The following MED16 variants were observed in gnomAD, a reference collection of about 807,000 sequenced individuals.
MED16 encodes mediator of RNA polymerase II transcription subunit 16.
A neutral mutation model predicts 84.4 loss-of-function variants in MED16; 81 were observed. The ratio of observed to expected loss-of-function variants is 0.96; its 90% CI spans 0.80 to 1.15. MED16 has a LOEUF of 1.15. Ranked by LOEUF, MED16 falls within the 50% of genes most tolerant of loss-of-function variation. The probability of loss-of-function intolerance (pLI) is 0.00; values close to 1 mark genes in which losing one functional copy is unlikely to be tolerated. For synonymous variants in MED16, 897 were observed against 552.2 expected (o/e 1.62, Z -8.76); for missense variants, 1,585 against 1,245.9 (o/e 1.27, Z -4.10).
Position 884,870 on chromosome 19 carries a change from G to A in MED16, c.985+33C>T, listed in dbSNP as rs528063794. 9 of 1,554,636 alleles carry A rather than the reference G, an allele frequency of 5.8e-6. No homozygotes were observed. The East Asian group carries it at 6.9e-5, about 12-fold the overall frequency. ...AAAAACCAACCGCCCCCGAGGGCAG[G>A]CCCAGGGCCTCCGCAGCCGGCGGGA... On this transcript the variant is annotated intron_variant, in intron 6 of 15. Coordinates refer to ENST00000325464, the MANE Select transcript of MED16 (RefSeq NM_005481.3).
intron 9 of MED16, 68 bp from the exon 10 acceptor site, chr19:875,522 G>T: frequency 7.6e-7 from 1 of 1,315,264 alleles, no homozygotes; most frequent in Non-Finnish European, 1.0e-6. Flanking sequence ...TCCAGCTGAG[G>T]AGAAGAGCAG....
chr19:885,209 C>T (rs566365814), intron 5 of MED16, among the ~76,000 whole-genome samples: 83 of 152,246 alleles, frequency 5.5e-4, no homozygotes, highest in Middle Eastern at 3.4e-3. Flanking sequence ...CAAATGTCCC[C>T]GGATGGTGCC....
chr19:885,194 G>A (rs1430712324), intron 5 of MED16, among the ~76,000 whole-genome samples, 186 bp from the exon 6 acceptor site: 1 of 152,158 alleles, frequency 6.6e-6, no homozygotes, highest in Admixed American at 6.5e-5. Flanking sequence ...CCACTCACAG[G>A]AACGCAAATG....
At chr19:870,609 G>C (rs189660327) in intron 13 of MED16, among the ~76,000 whole-genome samples, 3 of 151,860 alleles carry the variant, frequency 2.0e-5, no homozygotes, top group Non-Finnish European at 4.4e-5. Flanking sequence ...GAAGGGCTGG[G>C]TGCCCGTGTT....
chr19:882,080 C>T (rs2036431973), intron 6 of MED16, among the ~76,000 whole-genome samples: 1 of 152,258 alleles, frequency 6.6e-6, no homozygotes, highest in South Asian at 2.1e-4. Context: ...ATTCCCATCC[C>T]TCCTCATCTA....
At chr19:869,051 C>T (rs1272027869) in intron 13 of MED16, 105 bp from the exon 14 acceptor site, 23 of 978,252 alleles carry the variant, frequency 2.4e-5, no homozygotes, top group Non-Finnish European at 3.2e-5. Context: ...GCCGGCCTCA[C>T]ACCATCTGCC....
chr19:881,512 C>T, intron 7 of MED16, 47 bp downstream of exon 7: 2 of 1,575,378 alleles, frequency 1.3e-6, no homozygotes, highest in Non-Finnish European at 1.7e-6. Flanking sequence ...CCCAACTCCC[C>T]TGGTGTGAAC....
Position 867,965 on chromosome 19 carries a change from G to C in MED16, c.*136C>G, listed in dbSNP as rs370470379. ...CACCGACGGCAGGGACGCGGGCCTGGGCGCAGAGGGCGTTTATTGGACCTG... is the reference window on the plus strand; with the variant it reads ...CACCGACGGCAGGGACGCGGGCCTGCGCGCAGAGGGCGTTTATTGGACCTG... On this transcript the variant is annotated 3_prime_UTR_variant, in exon 16 of 16. Coordinates refer to ENST00000325464, the MANE Select transcript of MED16 (RefSeq NM_005481.3). 8.3e-7 allele frequency: 1 copy of C among 1,210,872 alleles called. No homozygotes were observed. Among genetic ancestry groups the C allele is most frequent in the South Asian group, 1.6e-5 (1 of 63,394 alleles). The allele number at this position is 1,210,872 out of a possible 1,614,324, so 75.0% of individuals were successfully genotyped here.
intron 2 of MED16, 187 bp from the exon 3 acceptor site, chr19:890,431 G>C: frequency 2.0e-6 from 1 of 493,400 alleles, no homozygotes; most frequent in Non-Finnish European, 3.6e-6. Context: ...GGCCTGTGAG[G>C]CGCCACAACT....
At chr19:873,412 G>C in intron 11 of MED16, 37 bp downstream of exon 11, 1 of 1,589,050 alleles carries the variant, frequency 6.3e-7, no homozygotes, top group Non-Finnish European at 8.5e-7. Flanking sequence ...TGGGGGCCCA[G>C]GTGGGGGGCG....
intron 6 of MED16, among the ~76,000 whole-genome samples, chr19:882,650 G>A (rs866057612): frequency 9.2e-5 from 14 of 152,350 alleles, no homozygotes; most frequent in East Asian, 7.7e-4. Context: ...GACAGGCCAC[G>A]CCACCTCGGC....
rs564294570 is a variant in MED16, at chr19:870,471, G to A, written c.2315+566C>T. On this transcript the variant is annotated intron_variant, in intron 13 of 15. Coordinates refer to ENST00000325464, the MANE Select transcript of MED16 (RefSeq NM_005481.3). ...AGCTACTGGGAAGGCTGAGGTAGGA[G>A]AATCATTTGAACCCGAGAGGCAGAC... Among the ~76,000 whole-genome samples the A allele has an allele frequency of 8.6e-5, 13 of 151,060 alleles. No homozygotes were observed. In the South Asian group the frequency reaches 1.5e-3, roughly 17 times the overall value.
chr19:870,846 C>A (rs1419647461), intron 13 of MED16, among the ~76,000 whole-genome samples, 191 bp downstream of exon 13: 10 of 94,002 alleles, frequency 1.1e-4, no homozygotes. Flanking sequence ...GGTCCCGGGG[C>A]AGGACATGGA....
At chr19:877,811 G>A (rs1294720135) in intron 8 of MED16, among the ~76,000 whole-genome samples, 2 of 118,000 alleles carry the variant, frequency 1.7e-5, no homozygotes, top group Admixed American at 9.9e-5. Flanking sequence ...TGCCCCAGCA[G>A]CTCGCCTTCC....
chr19:872,545 A>T (rs1288188784), intron 11 of MED16, among the ~76,000 whole-genome samples: 2 of 151,954 alleles, frequency 1.3e-5, no homozygotes, highest in African/African-American at 4.8e-5. Flanking sequence ...GAGGGACTTC[A>T]AACCGTCCGT....
intron 12 of MED16, chr19:871,605 C>A: frequency 6.9e-6 from 11 of 1,595,714 alleles, no homozygotes; most frequent in Non-Finnish European, 9.3e-6. Context: ...CAAACAGGTG[C>A]CTGGAAGTGG....
At chr19:872,234 T>G in intron 11 of MED16, 116 bp from the exon 12 acceptor site, 2 of 835,564 alleles carry the variant, frequency 2.4e-6, no homozygotes, top group East Asian at 2.8e-5. Flanking sequence ...GTCTGGGACA[T>G]TTGTGGTGGT....
At chr19:886,763 T>C (rs1395840011) in intron 4 of MED16, among the ~76,000 whole-genome samples, 1 of 152,226 alleles carries the variant, frequency 6.6e-6, no homozygotes, top group Non-Finnish European at 1.5e-5. Context: ...CACCCTTCTT[T>C]CAACGTGAGT....
intron 8 of MED16, among the ~76,000 whole-genome samples, chr19:879,676 C>G (rs1315219296): frequency 4.1e-5 from 2 of 49,144 alleles, no homozygotes; most frequent in African/African-American, 8.1e-5. Context: ...TGCCCACCAG[C>G]CCCAGCCCCA....
Sources: allele counts gnomAD v4.1 joint callset (sites outside exome capture counted in the v4.1 genomes callset), GRCh38; gene constraint gnomAD v4.1.1; transcripts MANE v1.5; gene names NCBI Gene and HGNC (gene_info 2026-07-23, HGNC 2026-07-21).